The following STARD13 variants were observed in gnomAD, a reference collection of about 807,000 sequenced individuals.
STARD13 encodes stAR-related lipid transfer protein 13.
Under a neutral mutation model 106.4 loss-of-function variants are expected in STARD13, and 62 were observed. That is an observed-to-expected ratio of 0.58 (90% CI 0.48 to 0.72). STARD13 has a LOEUF of 0.72. Ranked by LOEUF, STARD13 falls within the 30% of genes least tolerant of loss-of-function variation. STARD13 has a pLI of 0.00. For synonymous variants in STARD13, 565 were observed against 553.0 expected, an observed-to-expected ratio of 1.02 and a Z score of -0.31; for missense variants, 1,387 against 1,424.0, an observed-to-expected ratio of 0.97 and a Z score of 0.42.
chr13:33,159,638 A>G (rs1882392566), intron 3 of STARD13, among the ~76,000 whole-genome samples: 1 of 152,252 alleles, frequency 6.6e-6, no homozygotes, highest in African/African-American at 2.4e-5. Flanking sequence ...CAAAGCTACT[A>G]GAACTCATGA....
chr13:33,316,349 A>C (rs1483840576), intron 1 of STARD13, among the ~76,000 whole-genome samples: 1 of 152,206 alleles, frequency 6.6e-6, no homozygotes, highest in African/African-American at 2.4e-5. Context: ...TCTGGTTACA[A>C]AGCCTATGGA....
chr13:33,239,041 C>A (rs1388686775), intron 1 of STARD13, among the ~76,000 whole-genome samples: 1 of 151,964 alleles, frequency 6.6e-6, no homozygotes, highest in Non-Finnish European at 1.5e-5. Flanking sequence ...TCCCCCTCCC[C>A]CCCAGCCACT....
chr13:33,108,213 T>C (rs1021804963), intron 12 of STARD13, among the ~76,000 whole-genome samples: 2 of 152,216 alleles, frequency 1.3e-5, no homozygotes, highest in African/African-American at 4.8e-5. Flanking sequence ...GCCTCATACA[T>C]GCTAGCCTAG....
chr13:33,218,006 C>T (rs1247265328), intron 1 of STARD13, among the ~76,000 whole-genome samples: 1 of 152,076 alleles, frequency 6.6e-6, no homozygotes, highest in African/African-American at 2.4e-5. Flanking sequence ...CACACACACA[C>T]AAATTCACAC....
the STARD13 span, among the ~76,000 whole-genome samples, chr13:33,424,457 C>T: frequency 2.6e-5 from 4 of 152,092 alleles, no homozygotes; most frequent in African/African-American, 4.8e-5. Context: ...AAGCATTCTG[C>T]GCACATTATT....
the STARD13 span, among the ~76,000 whole-genome samples, chr13:33,563,150 T>C: frequency 6.8e-6 from 1 of 146,580 alleles, no homozygotes; most frequent in African/African-American, 2.5e-5. Context: ...ATTAATATTG[T>C]TATGACAAGC....
chr13:33,395,098 A>ACACAT, the STARD13 span, among the ~76,000 whole-genome samples: 1 of 152,220 alleles, frequency 6.6e-6, no homozygotes, highest in Admixed American at 6.5e-5. Flanking sequence ...AAGGTAATTA[A>ACACAT]CACATGGGTG....
the STARD13 span, among the ~76,000 whole-genome samples, chr13:33,417,335 C>T: frequency 6.6e-6 from 1 of 152,162 alleles, no homozygotes; most frequent in African/African-American, 2.4e-5. Flanking sequence ...AAATGTTAAA[C>T]ACAGAATTAC....
chr13:33,672,039 A>C, the STARD13 span, among the ~76,000 whole-genome samples: 5 of 152,208 alleles, frequency 3.3e-5, no homozygotes, highest in Non-Finnish European at 7.3e-5. Flanking sequence ...AGGATTATAA[A>C]TCATTCTACT....
chr13:33,576,281 C>T, the STARD13 span, among the ~76,000 whole-genome samples: 10 of 152,078 alleles, frequency 6.6e-5, no homozygotes, highest in Admixed American at 5.2e-4. Context: ...GCAGTGCAGT[C>T]GCTCCATCAT....
the STARD13 span, among the ~76,000 whole-genome samples, chr13:33,388,618 G>A: frequency 6.6e-6 from 1 of 152,302 alleles, no homozygotes; most frequent in African/African-American, 2.4e-5. Flanking sequence ...TCATCCATTT[G>A]GAAGTCAGTA....
chr13:33,490,923 T>G, the STARD13 span, among the ~76,000 whole-genome samples: 1 of 152,222 alleles, frequency 6.6e-6, no homozygotes, highest in Non-Finnish European at 1.5e-5. Flanking sequence ...GTGCTCGCCC[T>G]GGCCTCTGCA....
intron 1 of STARD13, among the ~76,000 whole-genome samples, chr13:33,200,764 G>A (rs1459778067): frequency 6.6e-6 from 1 of 152,182 alleles, no homozygotes; most frequent in Non-Finnish European, 1.5e-5. Flanking sequence ...GCTCACGCCT[G>A]TAATCCCAGC....
the STARD13 span, among the ~76,000 whole-genome samples, chr13:33,662,870 C>A: frequency 6.6e-6 from 1 of 152,178 alleles, no homozygotes; most frequent in Non-Finnish European, 1.5e-5. Flanking sequence ...TGAATACGCT[C>A]TCCCTAAAAA....
the STARD13 span, among the ~76,000 whole-genome samples, chr13:33,469,300 C>T: frequency 6.6e-6 from 1 of 152,134 alleles, no homozygotes; most frequent in African/African-American, 2.4e-5. Flanking sequence ...TCCAATGTCC[C>T]ATTCTTAACT....
At chr13:33,506,231 C>G in the STARD13 span, among the ~76,000 whole-genome samples, 57 of 152,192 alleles carry the variant, frequency 3.7e-4, no homozygotes, top group African/African-American at 1.3e-3. Context: ...TTGCATTTTG[C>G]AAGGAAAATA....
the STARD13 span, among the ~76,000 whole-genome samples, chr13:33,602,795 T>C: frequency 6.6e-6 from 1 of 152,188 alleles, no homozygotes; most frequent in Non-Finnish European, 1.5e-5. Context: ...GAACTGTGCA[T>C]ATGGGAAATC....
At chr13:33,283,611 G>C (rs2321171) in intron 1 of STARD13, among the ~76,000 whole-genome samples, 2,483 of 152,262 alleles carry the variant, frequency 0.016, 67 homozygotes, top group African/African-American at 0.055. Context: ...TGAATCACAA[G>C]ACTGTTGGAA....
chr13:33,316,680 C>T (rs1893352570), intron 1 of STARD13, among the ~76,000 whole-genome samples: 1 of 152,156 alleles, frequency 6.6e-6, no homozygotes, highest in Non-Finnish European at 1.5e-5. Context: ...CCTCTGAATT[C>T]GATCTCCAAT....
Sources: allele counts gnomAD v4.1 joint callset (sites outside exome capture counted in the v4.1 genomes callset), GRCh38; gene constraint gnomAD v4.1.1; transcripts MANE v1.5; gene names NCBI Gene and HGNC (gene_info 2026-07-23, HGNC 2026-07-21).